The following GAREM1 variants were observed in gnomAD, a reference collection of about 807,000 sequenced individuals.
GAREM1 encodes GRB2-associated and regulator of MAPK protein 1.
In GAREM1, 26 loss-of-function variants were observed where a neutral mutation model predicts 71.3. That is an observed-to-expected ratio of 0.36 (90% CI 0.27 to 0.51). The LOEUF (loss-of-function observed/expected upper bound fraction) is 0.51. Ranked by LOEUF, GAREM1 falls within the 20% of genes least tolerant of loss-of-function variation. The pLI is 0.95. For missense variants in GAREM1, 1,026 were observed against 1,103.1 expected (o/e 0.93, Z 0.99); for synonymous variants, 440 against 433.2 (o/e 1.02, Z -0.20).
intron 1 of GAREM1, among the ~76,000 whole-genome samples, chr18:32,451,033 C>T (rs2048833146): frequency 6.6e-6 from 1 of 152,046 alleles, no homozygotes; most frequent in African/African-American, 2.4e-5. Context: ...CCTATAGTCC[C>T]AGCTACTTAG....
At chr18:32,396,801 G>A (rs1351313767) in intron 1 of GAREM1, among the ~76,000 whole-genome samples, 3 of 152,052 alleles carry the variant, frequency 2.0e-5, no homozygotes, top group Non-Finnish European at 4.4e-5. Context: ...AGGAAATACA[G>A]AGAATGCCAC....
At chr18:32,327,882 T>C (rs1436130507) in intron 2 of GAREM1, among the ~76,000 whole-genome samples, 1 of 152,148 alleles carries the variant, frequency 6.6e-6, no homozygotes, top group East Asian at 1.9e-4. Context: ...GGGATGTTGA[T>C]ACCTACTTCA....
chr18:32,448,604 C>T (rs1460572280), intron 1 of GAREM1, among the ~76,000 whole-genome samples: 1 of 152,002 alleles, frequency 6.6e-6, no homozygotes, highest in Non-Finnish European at 1.5e-5. Flanking sequence ...GGAGTTTCTT[C>T]AAGTCTCACC....
chr18:32,353,205 A>C (rs578239148), intron 2 of GAREM1, among the ~76,000 whole-genome samples: 11 of 152,352 alleles, frequency 7.2e-5, no homozygotes, highest in African/African-American at 2.6e-4. Flanking sequence ...CAAAAGTTCT[A>C]ATCAGACGAT....
intron 5 of GAREM1, among the ~76,000 whole-genome samples, chr18:32,269,209 C>T (rs1312685410): frequency 2.0e-5 from 3 of 152,172 alleles, no homozygotes; most frequent in African/African-American, 4.8e-5. Flanking sequence ...TCACACCACC[C>T]GTGACTCTAT....
intron 2 of GAREM1, among the ~76,000 whole-genome samples, chr18:32,317,325 A>G (rs2047388322): frequency 6.6e-6 from 1 of 151,430 alleles, no homozygotes; most frequent in African/African-American, 2.4e-5. Flanking sequence ...GAATTGCTTG[A>G]ACCCAGGAGG....
intron 1 of GAREM1, among the ~76,000 whole-genome samples, chr18:32,455,752 C>G (rs975103542): frequency 2.6e-5 from 4 of 152,144 alleles, no homozygotes; most frequent in Non-Finnish European, 5.9e-5. Flanking sequence ...AGATCAGGAA[C>G]AGTTCTAGCT....
chr18:32,299,223 G>A (rs1427389935), intron 3 of GAREM1, among the ~76,000 whole-genome samples: 6 of 152,056 alleles, frequency 3.9e-5, no homozygotes, highest in Non-Finnish European at 8.8e-5. Flanking sequence ...AATAAAAAGT[G>A]ATTATATCTA....
chr18:32,408,698 A>C (rs1344211651), intron 1 of GAREM1, among the ~76,000 whole-genome samples: 3 of 152,174 alleles, frequency 2.0e-5, no homozygotes, highest in Non-Finnish European at 4.4e-5. Context: ...TTAAACATGC[A>C]GCACAGAAAT....
At chr18:32,467,074 A>G (rs564963339) in intron 1 of GAREM1, among the ~76,000 whole-genome samples, 1 of 152,286 alleles carries the variant, frequency 6.6e-6, no homozygotes, top group East Asian at 1.9e-4. Context: ...TGTAGTGAAT[A>G]TTCATTCTAA....
intron 2 of GAREM1, among the ~76,000 whole-genome samples, chr18:32,390,818 G>C (rs1473263075): frequency 6.6e-6 from 1 of 152,116 alleles, no homozygotes; most frequent in Non-Finnish European, 1.5e-5. Flanking sequence ...TAACCATGGG[G>C]GAGCTTTTAA....
chr18:32,442,005 T>A (rs1256897735), intron 1 of GAREM1, among the ~76,000 whole-genome samples: 1 of 146,536 alleles, frequency 6.8e-6, no homozygotes, highest in Non-Finnish European at 1.5e-5. Context: ...TTTTTTTTTT[T>A]TACAGGAAAA....
intron 2 of GAREM1, among the ~76,000 whole-genome samples, chr18:32,346,900 C>G (rs895802099): frequency 1.3e-5 from 2 of 151,968 alleles, no homozygotes; most frequent in African/African-American, 2.4e-5. Flanking sequence ...GGAAAGAGGC[C>G]GGTCACCAGG....
intron 3 of GAREM1, among the ~76,000 whole-genome samples, chr18:32,307,294 C>T (rs2047265466): frequency 6.6e-6 from 1 of 152,006 alleles, no homozygotes; most frequent in Non-Finnish European, 1.5e-5. Context: ...GTGGTTTATC[C>T]TTTTGGTTTA....
At chr18:32,444,187 A>G (rs8087581) in intron 1 of GAREM1, among the ~76,000 whole-genome samples, 22,286 of 152,224 alleles carry the variant, frequency 0.15, 1,981 homozygotes, top group East Asian at 0.4. Context: ...TGGAATTAAC[A>G]AATGGTGATG....
At chr18:32,284,828 C>A (rs1360813920) in intron 4 of GAREM1, among the ~76,000 whole-genome samples, 1 of 150,928 alleles carries the variant, frequency 6.6e-6, no homozygotes, top group Non-Finnish European at 1.5e-5. Context: ...CGGCTCACTG[C>A]AAGCTCCACC....
chr18:32,400,142 C>T (rs1260269261), intron 1 of GAREM1, among the ~76,000 whole-genome samples: 1 of 152,172 alleles, frequency 6.6e-6, no homozygotes, highest in Non-Finnish European at 1.5e-5. Flanking sequence ...GAAACTGGAT[C>T]TCTTCCTTAC....
chr18:32,437,260 C>CTG (rs1202239066), intron 1 of GAREM1, among the ~76,000 whole-genome samples: 1 of 152,126 alleles, frequency 6.6e-6, no homozygotes, highest in African/African-American at 2.4e-5. Context: ...ACAGTAGCTC[C>CTG]TGTGCTTGCT....
chr18:32,398,021 C>T (rs375082534), intron 1 of GAREM1, among the ~76,000 whole-genome samples: 23 of 152,208 alleles, frequency 1.5e-4, no homozygotes, highest in East Asian at 3.9e-4. Flanking sequence ...CACTCAAAAC[C>T]GCTCAACTAC....
Sources: allele counts gnomAD v4.1 joint callset (sites outside exome capture counted in the v4.1 genomes callset), GRCh38; gene constraint gnomAD v4.1.1; transcripts MANE v1.5; gene names NCBI Gene and HGNC (gene_info 2026-07-23, HGNC 2026-07-21).